Variants in MAP2K5 observed in about 807,000 individuals in gnomAD.
MAP2K5 encodes the protein mitogen-activated protein kinase kinase 5.
Under a neutral mutation model 83.1 loss-of-function variants are expected in MAP2K5, and 49 were observed. The ratio of observed to expected loss-of-function variants is 0.59; its 90% CI spans 0.47 to 0.75. The LOEUF is 0.75. MAP2K5 is among the 30% of genes least tolerant of loss of function. The pLI is 0.00. For missense variants in MAP2K5, 457 were observed against 557.5 expected, an observed-to-expected ratio of 0.82 and a Z score of 1.82; for synonymous variants, 202 against 191.8, an observed-to-expected ratio of 1.05 and a Z score of -0.44.
At chr15:67,651,289 T>C (rs2086947217) in intron 11 of MAP2K5, among the ~76,000 whole-genome samples, 1 of 152,224 alleles carries the variant, frequency 6.6e-6, no homozygotes, top group African/African-American at 2.4e-5. Flanking sequence ...CATAATAATA[T>C]TTTGACACAA....
At chr15:67,653,979 A>G (rs146881409) in intron 11 of MAP2K5, among the ~76,000 whole-genome samples, 14 of 152,262 alleles carry the variant, frequency 9.2e-5, no homozygotes, top group Admixed American at 2.0e-4. Context: ...TAATTTCCAC[A>G]TATGCGTACT....
At chr15:67,570,217 T>C (rs1344968050) in intron 3 of MAP2K5, among the ~76,000 whole-genome samples, 1 of 152,252 alleles carries the variant, frequency 6.6e-6, no homozygotes, top group East Asian at 1.9e-4. Context: ...TAAAGTCCTT[T>C]ATGGTTTTAA....
intron 17 of MAP2K5, among the ~76,000 whole-genome samples, chr15:67,735,419 C>T (rs1410988272): frequency 6.6e-6 from 1 of 152,202 alleles, no homozygotes; most frequent in Non-Finnish European, 1.5e-5. Flanking sequence ...TTCTGTAGTA[C>T]CTTCTACACT....
chr15:67,766,295 G>C (rs1476283296), intron 19 of MAP2K5, among the ~76,000 whole-genome samples: 2 of 152,138 alleles, frequency 1.3e-5, no homozygotes, highest in Non-Finnish European at 2.9e-5. Context: ...TTACCTCCGT[G>C]CTTAGAAGTT....
chr15:67,613,990 G>A (rs1021861924), intron 8 of MAP2K5, among the ~76,000 whole-genome samples: 4 of 151,996 alleles, frequency 2.6e-5, no homozygotes, highest in South Asian at 2.1e-4. Flanking sequence ...CCATTCAATC[G>A]ATTTTCCCTA....
Position 67,685,822 on chromosome 15 carries a change from A to G in MAP2K5, c.848-6657A>G, listed in dbSNP as rs149091893. Among the ~76,000 whole-genome samples, 24 of 152,352 alleles carry G rather than the reference A, an allele frequency of 1.6e-4. 1 individual carries two copies. The East Asian group carries it at 4.6e-3, about 29-fold the overall frequency. On this transcript the variant is annotated intron_variant, in intron 13 of 21. Coordinates refer to ENST00000178640, the MANE Select transcript of MAP2K5 (RefSeq NM_145160.3). Reference sequence around the variant, plus strand: ...GGCAAAATTCAACCCATGGGCAAAAATTGGGCCTTCGCCTGTTTTTACAAA... The same window carrying G: ...GGCAAAATTCAACCCATGGGCAAAAGTTGGGCCTTCGCCTGTTTTTACAAA...
chr15:67,743,043 C>T (rs1409255488), intron 17 of MAP2K5, among the ~76,000 whole-genome samples: 1 of 152,246 alleles, frequency 6.6e-6, no homozygotes, highest in Admixed American at 6.5e-5. Flanking sequence ...TAATTTATGG[C>T]TGTGATGATT....
chr15:67,604,837 G>C (rs2085744218), intron 8 of MAP2K5, among the ~76,000 whole-genome samples: 2 of 151,858 alleles, frequency 1.3e-5, no homozygotes, highest in African/African-American at 4.8e-5. Context: ...GGAGGTTGCA[G>C]TGAGCCGAGA....
rs879731031 is a variant in MAP2K5, at chr15:67,561,333, T to C, written c.185-1950T>C. On this transcript the variant is annotated intron_variant, in intron 2 of 21. Coordinates refer to ENST00000178640, the MANE Select transcript of MAP2K5 (RefSeq NM_145160.3). The surrounding 1 kb of genome is among the most constrained non-coding windows in gnomAD (Gnocchi z 4.2). Reference sequence around the variant, plus strand: ...TGAAAATATTAGTTTCTAGAACTTATATATAGACAGACTCCTTTCTTCTCT... The same window carrying C: ...TGAAAATATTAGTTTCTAGAACTTACATATAGACAGACTCCTTTCTTCTCT... 6.6e-6 allele frequency among the ~76,000 whole-genome samples: 1 copy of C among 152,212 alleles called. No individual in the cohort carries two copies. The highest frequency in any genetic ancestry group is 2.4e-5 in the African/African-American group (1 of 41,460).
chr15:67,569,191 T>G (rs532999570), intron 3 of MAP2K5, among the ~76,000 whole-genome samples: 1 of 152,296 alleles, frequency 6.6e-6, no homozygotes, highest in South Asian at 2.1e-4. Context: ...ACAAAGAGGT[T>G]AGAAGCTCAT....
rs1445983706 is a variant in MAP2K5, at chr15:67,764,976, T to A, written c.1135-4626T>A. 1.3e-5 allele frequency among the ~76,000 whole-genome samples: 2 copies of A among 152,228 alleles called. No individual in the cohort carries two copies. Among genetic ancestry groups the A allele is most frequent in the African/African-American group, 2.4e-5 (1 of 41,444 alleles). On this transcript the variant is annotated intron_variant, in intron 19 of 21. Coordinates refer to ENST00000178640, the MANE Select transcript of MAP2K5 (RefSeq NM_145160.3). The surrounding 1 kb of genome is among the most constrained non-coding windows in gnomAD (Gnocchi z 4.9). Reference sequence around the variant, plus strand: ...TTTAAACTTTCTATTTTGACGTAATTTTTAGATTTACATACAGTTGTAAGA... The same window carrying A: ...TTTAAACTTTCTATTTTGACGTAATATTTAGATTTACATACAGTTGTAAGA...
chr15:67,787,249 G>A (rs751455408), intron 21 of MAP2K5, among the ~76,000 whole-genome samples: 5 of 152,236 alleles, frequency 3.3e-5, no homozygotes, highest in South Asian at 2.1e-4. Flanking sequence ...CAAATTTTGC[G>A]AAGGTCTCTA....
intron 3 of MAP2K5, among the ~76,000 whole-genome samples, chr15:67,571,338 C>T (rs2084943321): frequency 6.6e-6 from 1 of 152,150 alleles, no homozygotes; most frequent in African/African-American, 2.4e-5. Context: ...GGTTCCTGCC[C>T]TTGTTGAGCT....
At chr15:67,707,414 CAA>C (rs1773032257) in intron 16 of MAP2K5, among the ~76,000 whole-genome samples, 1 of 152,216 alleles carries the variant, frequency 6.6e-6, no homozygotes, top group Admixed American at 6.5e-5. Flanking sequence ...ATCTGAGGAA[CAA>C]AGTGCATTCT....
chr15:67,766,610 C>T (rs1374375996), intron 19 of MAP2K5, among the ~76,000 whole-genome samples: 1 of 152,208 alleles, frequency 6.6e-6, no homozygotes, highest in East Asian at 1.9e-4. Context: ...CGCAAATTTA[C>T]TGTATGCCTC....
intron 13 of MAP2K5, among the ~76,000 whole-genome samples, chr15:67,686,690 A>G (rs1649031076): frequency 6.6e-6 from 1 of 152,142 alleles, no homozygotes; most frequent in African/African-American, 2.4e-5. Context: ...AAACTAATGT[A>G]TAATGACAAA....
In MAP2K5 at chr15:67,628,269, C is replaced by T. The variant is rs2086373927; in HGVS notation, c.546-2619C>T. On this transcript the variant is annotated intron_variant, in intron 8 of 21. Transcript: ENST00000178640. ...GGCTGAGGTGGGCAGATCACGAGGT[C>T]AGGGATTTGAGACCAGCCTGGCCAA... 3 of 557,932 alleles carry T rather than the reference C, an allele frequency of 5.4e-6. No individual in the cohort carries two copies. The Admixed American group carries it at 8.2e-5, about 15-fold the overall frequency. 34.6% of individuals were successfully genotyped at this position (557,932 alleles called of 1,614,324 possible). A position where few individuals can be genotyped will look rare whatever the true frequency, so the allele number is the denominator to read the frequency against.
intron 21 of MAP2K5, among the ~76,000 whole-genome samples, chr15:67,784,911 G>A (rs149217484): frequency 6.6e-6 from 1 of 152,228 alleles, no homozygotes; most frequent in East Asian, 1.9e-4. Flanking sequence ...TCGGAGTATG[G>A]GCTGTGCACC....
At chr15:67,574,386 A>G (rs577484922) in intron 3 of MAP2K5, among the ~76,000 whole-genome samples, 49 of 152,172 alleles carry the variant, frequency 3.2e-4, no homozygotes, top group African/African-American at 1.1e-3. Flanking sequence ...AGCTTGGCCA[A>G]CATGGTGAAA....
Sources: gnomAD v4.1 joint callset for allele counts (sites outside exome capture counted in the v4.1 genomes callset) on GRCh38, gnomAD v4.1.1 for gene constraint, Gnocchi (gnomAD v3.1) non-coding constraint, MANE v1.5 for transcripts, NCBI Gene and HGNC (gene_info 2026-07-23, HGNC 2026-07-21) for gene names.